The following KCNK3 variants were observed in gnomAD, a reference collection of about 807,000 sequenced individuals.
The protein encoded by KCNK3 is potassium channel subfamily K member 3.
In KCNK3, 9 loss-of-function variants were observed where a neutral mutation model predicts 27.3. The ratio of observed to expected loss-of-function variants is 0.33; its 90% CI spans 0.20 to 0.57. The LOEUF (loss-of-function observed/expected upper bound fraction) is 0.57, where lower values mean the gene tolerates loss of function less well. Among genes scored for constraint, KCNK3 ranks in the 20% least tolerant of loss-of-function variants. The probability of loss-of-function intolerance (pLI) is 0.87; values close to 1 mark genes in which losing one functional copy is unlikely to be tolerated. For synonymous variants in KCNK3, 278 were observed against 273.8 expected, an observed-to-expected ratio of 1.02 and a Z score of -0.15; for missense variants, 391 against 577.7, an observed-to-expected ratio of 0.68 and a Z score of 3.31.
At chr2:26,719,001 A>G (rs2148266250) in intron 1 of KCNK3, among the ~76,000 whole-genome samples, 1 of 152,348 alleles carries the variant, frequency 6.6e-6, no homozygotes, top group East Asian at 1.9e-4. Context: ...GTAGTTTTCT[A>G]TGTAATCAAG....
intron 1 of KCNK3, chr2:26,724,486 C>A (rs1663377281): frequency 3.4e-6 from 2 of 587,044 alleles, no homozygotes; most frequent in Non-Finnish European, 2.1e-6. Context: ...ATGACACCAA[C>A]TGTAATATGA....
At chr2:26,722,983 G>A (rs182293914) in intron 1 of KCNK3, among the ~76,000 whole-genome samples, 119 of 152,360 alleles carry the variant, frequency 7.8e-4, no homozygotes, top group African/African-American at 2.7e-3. Context: ...TTTGATCAGG[G>A]TCAGGTCAGA....
intron 1 of KCNK3, among the ~76,000 whole-genome samples, chr2:26,708,170 C>A (rs923319124): frequency 1.3e-5 from 2 of 152,194 alleles, no homozygotes; most frequent in Admixed American, 6.5e-5. Context: ...AGAGGGAGAG[C>A]TGCCTTCCAG....
rs56955379 is a variant in KCNK3 at position 26,724,727 on chromosome 2, C to T, written c.284-2940C>T. On this transcript the variant is annotated intron_variant, in intron 1 of 1. Transcript: ENST00000302909. Reference sequence around the variant, plus strand: ...CCTGGGATAAGAGCCTCTGGTTAAGCCTGGATGTGTCATTTGCTTTGAAAG... The same window carrying T: ...CCTGGGATAAGAGCCTCTGGTTAAGTCTGGATGTGTCATTTGCTTTGAAAG... Among the ~76,000 whole-genome samples the T allele has an allele frequency of 2.6e-5, 4 of 152,188 alleles. No individual in the cohort carries two copies. The East Asian group carries it at 5.8e-4, about 22-fold the overall frequency.
Position 26,692,851 on chromosome 2 carries a change from G to A in KCNK3, c.-25G>A. On this transcript the variant is annotated 5_prime_UTR_variant, in exon 1 of 2. Transcript: ENST00000302909. The surrounding 1 kb of genome is among the most constrained non-coding windows in gnomAD (Gnocchi z 5.6). ...GAGGCGCGGGCCGGGGGCGCCGGGGGGCCGGCGGCGGCCCGGGCGGGACGA... is the reference window on the plus strand; with the variant it reads ...GAGGCGCGGGCCGGGGGCGCCGGGGAGCCGGCGGCGGCCCGGGCGGGACGA... 4 of 1,206,374 alleles carry A rather than the reference G, an allele frequency of 3.3e-6. No individual in the cohort carries two copies. Among genetic ancestry groups the A allele is most frequent in the Non-Finnish European group, 4.1e-6 (4 of 970,578 alleles). The allele number at this position is 1,206,374 out of a possible 1,614,324, so 74.7% of individuals were successfully genotyped here. A position where few individuals can be genotyped will look rare whatever the true frequency, so the allele number is the denominator to read the frequency against.
At position 26,708,552 on chromosome 2, in the gene KCNK3, G is replaced by T. The variant is rs551739963; in HGVS notation, c.283+15394G>T. 2.0e-5 allele frequency among the ~76,000 whole-genome samples: 3 copies of T among 152,228 alleles called. No homozygotes were observed. The East Asian group carries it at 5.8e-4, about 29-fold the overall frequency. On this transcript the variant is annotated intron_variant, in intron 1 of 1. Transcript: ENST00000302909. The stretch of plus-strand genomic sequence containing the variant: ...AAATTAGCCAGGCGTTGTGGCATGT[G>T]CCTGTAATCCCAGCTACTCGGGAGG...
Position 26,727,905 on chromosome 2 carries a change from C to A in KCNK3, c.522C>A (p.Gly174=). 1.2e-6 allele frequency: 2 copies of A among 1,614,208 alleles called. No homozygotes were observed. The highest frequency in any genetic ancestry group is 2.2e-5 in the South Asian group (2 of 91,090). Residue 174 remains glycine (G), a synonymous_variant, in exon 2 of 2, where the codon GGC becomes GGA. Transcript: ENST00000302909. ...CGTGCATCAGCACGCTGTGCATCGGCGCCGCCGCCTTCTCCCACTACGAGC... is the reference window on the plus strand; with the variant it reads ...CGTGCATCAGCACGCTGTGCATCGGAGCCGCCGCCTTCTCCCACTACGAGC... The part of the protein sequence containing the change: ...FFSCISTLCI[G]AAAFSHYEHW...
chr2:26,714,556 C>T (rs1374673468), intron 1 of KCNK3, among the ~76,000 whole-genome samples: 2 of 6,140 alleles, frequency 3.3e-4, no homozygotes, highest in Non-Finnish European at 6.3e-4. Context: ...GCCTGCCTGT[C>T]CTCCCCAGGC....
chr2:26,699,987 G>A (rs1275977), intron 1 of KCNK3, among the ~76,000 whole-genome samples: 97,436 of 152,058 alleles, frequency 0.64, 31,631 homozygotes, highest in Admixed American at 0.72. Flanking sequence ...TTCCATGTGA[G>A]CACAGCTAGC....
intron 1 of KCNK3, among the ~76,000 whole-genome samples, chr2:26,700,641 G>A (rs564698566): frequency 6.6e-6 from 1 of 152,184 alleles, no homozygotes; most frequent in East Asian, 1.9e-4. Flanking sequence ...AGGAATGTGG[G>A]GCAGGAGGCT....
At position 26,732,991 on chromosome 2, in the gene KCNK3, T is replaced by A. The variant is rs1015979307; in HGVS notation, c.*4423T>A. 6.6e-6 allele frequency: 1 copy of A among 152,388 alleles called. No homozygotes were observed. The highest frequency in any genetic ancestry group is 2.4e-5 in the African/African-American group (1 of 41,590). 9.4% of individuals were successfully genotyped at this position (152,388 alleles called of 1,614,324 possible). On this transcript the variant is annotated 3_prime_UTR_variant, in exon 2 of 2. Coordinates refer to ENST00000302909, the MANE Select transcript of KCNK3 (RefSeq NM_002246.3). ...CAGTGGTGAACTGCACCCATGTCCC[T>A]GCTCACATCTCCTAAGATCTCAGAA...
chr2:26,710,672 G>A (rs1663095101), intron 1 of KCNK3, among the ~76,000 whole-genome samples: 1 of 152,156 alleles, frequency 6.6e-6, no homozygotes. Flanking sequence ...AGGCTGTCTG[G>A]GATGTCTGTA....
At chr2:26,697,716 A>G (rs1670253075) in intron 1 of KCNK3, among the ~76,000 whole-genome samples, 1 of 152,072 alleles carries the variant, frequency 6.6e-6, no homozygotes, top group Non-Finnish European at 1.5e-5. Context: ...CTAAGGCAAC[A>G]ACAAAGAGAC....
intron 1 of KCNK3, among the ~76,000 whole-genome samples, chr2:26,694,391 G>A (rs1278637134): frequency 3.3e-5 from 5 of 152,184 alleles, no homozygotes; most frequent in African/African-American, 4.8e-5. Context: ...TTGCCACTTA[G>A]CGCAGCCCAT....
At chr2:26,704,688 G>A (rs541633190) in intron 1 of KCNK3, among the ~76,000 whole-genome samples, 6 of 152,238 alleles carry the variant, frequency 3.9e-5, no homozygotes, top group African/African-American at 1.2e-4. Flanking sequence ...CCCCCTGCCC[G>A]TGCAGAGGAG....
At chr2:26,703,918 G>A (rs1408178149) in intron 1 of KCNK3, among the ~76,000 whole-genome samples, 5 of 152,190 alleles carry the variant, frequency 3.3e-5, no homozygotes, top group South Asian at 2.1e-4. Flanking sequence ...AAATGTACTC[G>A]TGAGCAGATC....
At chr2:26,705,022 A>G (rs1312352038) in intron 1 of KCNK3, among the ~76,000 whole-genome samples, 1 of 151,916 alleles carries the variant, frequency 6.6e-6, no homozygotes, top group African/African-American at 2.4e-5. Context: ...GCTGGAGGGT[A>G]GCCATGATCA....
intron 1 of KCNK3, among the ~76,000 whole-genome samples, chr2:26,698,079 G>T (rs1039146747): frequency 6.6e-6 from 1 of 152,154 alleles, no homozygotes; most frequent in African/African-American, 2.4e-5. Context: ...TCCAGTGCCT[G>T]CACTGGTGTT....
Position 26,727,827 on chromosome 2 carries a change from C to T in KCNK3, c.444C>T (p.Gly148=), listed in dbSNP as rs1182884150. 6.2e-7 allele frequency: 1 copy of T among 1,611,780 alleles called. No individual in the cohort carries two copies. Among genetic ancestry groups the T allele is most frequent in the South Asian group, 1.1e-5 (1 of 90,916 alleles). The change falls in exon 2 of 2, where the codon GGC becomes GGT. Residue 148 remains glycine (G), a synonymous_variant. Coordinates refer to ENST00000302909, the MANE Select transcript of KCNK3 (RefSeq NM_002246.3). ...TGCACCGCGCCAAGAAGGGGCTGGGCATGCGGCGCGCCGACGTGTCCATGG... is the reference window on the plus strand; with the variant it reads ...TGCACCGCGCCAAGAAGGGGCTGGGTATGCGGCGCGCCGACGTGTCCATGG... The part of the protein sequence containing the change: ...YLLHRAKKGL[G]MRRADVSMAN...
Sources: allele counts gnomAD v4.1 joint callset (sites outside exome capture counted in the v4.1 genomes callset), GRCh38; gene constraint gnomAD v4.1.1; non-coding constraint Gnocchi (gnomAD v3.1); transcripts MANE v1.5; gene names NCBI Gene and HGNC (gene_info 2026-07-23, HGNC 2026-07-21).